The following BMPR1B variants were observed in gnomAD, a reference collection of about 807,000 sequenced individuals.
BMPR1B encodes the protein bone morphogenetic protein receptor type 1B, also known as bone morphogenetic protein receptor type-1B.
BMPR1B carries 12 observed loss-of-function variants against 59.1 expected under a neutral mutation model. The observed-to-expected ratio is 0.20, with a 90% CI of 0.13 to 0.33. BMPR1B has a LOEUF of 0.33. BMPR1B is among the 10% of genes least tolerant of loss of function. The pLI, the probability that BMPR1B is intolerant of heterozygous loss-of-function variation, is 1.00. For missense variants in BMPR1B, 550 were observed against 610.9 expected, an observed-to-expected ratio of 0.90 and a Z score of 1.05; for synonymous variants, 237 against 207.3, an observed-to-expected ratio of 1.14 and a Z score of -1.23.
chr4:94,860,993 T>A (rs1401138754), intron 1 of BMPR1B, among the ~76,000 whole-genome samples: 1 of 150,798 alleles, frequency 6.6e-6, no homozygotes. Flanking sequence ...AGTTGGCTTT[T>A]ATATGTCTTT....
intron 2 of BMPR1B, among the ~76,000 whole-genome samples, chr4:94,876,983 AT>A (rs764512024): frequency 3.5e-4 from 54 of 152,220 alleles, no homozygotes; most frequent in Non-Finnish European, 7.3e-4. Flanking sequence ...CATAATTTTA[AT>A]TAAGAAAGCA....
At chr4:94,845,139 T>C (rs1221577386) in intron 1 of BMPR1B, among the ~76,000 whole-genome samples, 1 of 152,046 alleles carries the variant, frequency 6.6e-6, no homozygotes, top group Non-Finnish European at 1.5e-5. Flanking sequence ...AAATATATCA[T>C]AGATGAAATA....
At chr4:94,762,487 G>A (rs1378547393) in intron 1 of BMPR1B, among the ~76,000 whole-genome samples, 5 of 152,128 alleles carry the variant, frequency 3.3e-5, no homozygotes, top group South Asian at 4.1e-4. Context: ...ATCAGAGGAC[G>A]CACTAGGGTT....
At chr4:94,927,668 T>C (rs1728942837) in intron 2 of BMPR1B, among the ~76,000 whole-genome samples, 1 of 152,080 alleles carries the variant, frequency 6.6e-6, no homozygotes, top group Non-Finnish European at 1.5e-5. Context: ...GAAACTGCCA[T>C]GTTATGGATC....
At chr4:95,023,376 T>C (rs1481244800) in intron 3 of BMPR1B, among the ~76,000 whole-genome samples, 2 of 152,170 alleles carry the variant, frequency 1.3e-5, no homozygotes. Flanking sequence ...CTCATTTCTT[T>C]TATTTTTATT....
intron 2 of BMPR1B, among the ~76,000 whole-genome samples, chr4:94,936,223 A>G (rs1216561120): frequency 6.6e-6 from 1 of 152,170 alleles, no homozygotes; most frequent in Non-Finnish European, 1.5e-5. Flanking sequence ...ATTAATGTTA[A>G]AGGAAAAATC....
At chr4:94,911,008 A>G (rs1390752588) in intron 2 of BMPR1B, among the ~76,000 whole-genome samples, 1 of 152,164 alleles carries the variant, frequency 6.6e-6, no homozygotes. Context: ...TACGTGAACC[A>G]CATATACTGT....
In BMPR1B at chr4:94,804,130, G is replaced by A. The variant is rs369711521; in HGVS notation, c.-183+46062G>A. ...CCTGACCTTGTGATCCGCCTGCCTC[G>A]GCCTCCCAAAGTGCTGGGATTACAG... is the stretch of plus-strand genomic sequence containing the variant. On this transcript the variant is annotated intron_variant, in intron 1 of 12. Coordinates refer to ENST00000515059, the MANE Select transcript of BMPR1B (RefSeq NM_001203.3). Among the ~76,000 whole-genome samples the A allele has an allele frequency of 2.8e-4, 42 of 152,130 alleles. No individual in the cohort carries two copies. The East Asian group carries it at 5.2e-3, about 19-fold the overall frequency.
chr4:95,030,293 A>G (rs931875306), intron 3 of BMPR1B, among the ~76,000 whole-genome samples: 5 of 152,254 alleles, frequency 3.3e-5, no homozygotes, highest in South Asian at 2.1e-4. Context: ...TAATTTTTGT[A>G]TAAGGTGTAA....
intron 5 of BMPR1B, among the ~76,000 whole-genome samples, chr4:95,115,198 A>G (rs954374869): frequency 6.6e-6 from 1 of 152,090 alleles, no homozygotes; most frequent in Non-Finnish European, 1.5e-5. Context: ...GTACTCTGTG[A>G]TCTTCTCACA....
chr4:95,056,431 A>G (rs1726934560), intron 3 of BMPR1B, among the ~76,000 whole-genome samples: 1 of 152,126 alleles, frequency 6.6e-6, no homozygotes, highest in South Asian at 2.1e-4. Context: ...AAATCATAGT[A>G]TTGATATTTT....
At chr4:94,916,644 A>G (rs1728494432) in intron 2 of BMPR1B, among the ~76,000 whole-genome samples, 1 of 152,250 alleles carries the variant, frequency 6.6e-6, no homozygotes, top group African/African-American at 2.4e-5. Context: ...TTATATTTCA[A>G]CAGGAAGCAG....
chr4:94,854,381 C>T (rs1039330071), intron 1 of BMPR1B, among the ~76,000 whole-genome samples: 4 of 152,038 alleles, frequency 2.6e-5, no homozygotes, highest in African/African-American at 7.2e-5. Flanking sequence ...TGTAGCACCA[C>T]TATGAACAGC....
chr4:94,768,142 T>C (rs2110565749), intron 1 of BMPR1B, among the ~76,000 whole-genome samples: 1 of 152,256 alleles, frequency 6.6e-6, no homozygotes, highest in South Asian at 2.1e-4. Context: ...ATTTTGTGTA[T>C]ATTCTAATTG....
rs2865407 is a variant in BMPR1B at position 94,928,030 on chromosome 4, A to G, written c.-113+52130A>G. ...ACAGAAACTGGGCAGTCAGAAGAGG[A>G]GCTGTTTGTGGAGAGTAAATGTAGG... On this transcript the variant is annotated intron_variant, in intron 2 of 12. Transcript: ENST00000515059. Among the ~76,000 whole-genome samples, 1,162 of 152,090 alleles carry G rather than the reference A, an allele frequency of 7.6e-3. 13 individuals carry two copies. The highest frequency in any genetic ancestry group is 0.026 in the African/African-American group (1,094 of 41,494).
At chr4:95,078,159 A>G (rs552588482) in intron 3 of BMPR1B, among the ~76,000 whole-genome samples, 6 of 152,344 alleles carry the variant, frequency 3.9e-5, no homozygotes, top group Non-Finnish European at 5.9e-5. Flanking sequence ...GCAACAAAGT[A>G]GAAAGTAACT....
intron 3 of BMPR1B, among the ~76,000 whole-genome samples, chr4:95,093,421 AG>A (rs1201000130): frequency 0.095 from 117 of 1,234 alleles, no homozygotes; most frequent in African/African-American, 0.18. Flanking sequence ...ATTCCTGCTG[AG>A]GTTTATAATT....
chr4:95,038,390 G>GT lies in BMPR1B; in HGVS notation c.-18+42259dup, dbSNP rs141829270. Among the ~76,000 whole-genome samples, 841 of 152,254 alleles carry GT rather than the reference G, an allele frequency of 5.5e-3. 5 individuals are homozygous for GT. The highest frequency in any genetic ancestry group is 0.019 in the African/African-American group (802 of 41,554). ...TTATATTTTCTGTAGCCCAGCCTGA[G>GT]TTTCGTCTAAAGCTTCTCACACAAT... is the stretch of plus-strand genomic sequence containing the variant. On this transcript the variant is annotated intron_variant, in intron 3 of 12. Transcript: ENST00000515059.
chr4:94,878,560 A>AT (rs966785552), intron 2 of BMPR1B, among the ~76,000 whole-genome samples: 8 of 151,938 alleles, frequency 5.3e-5, no homozygotes, highest in Non-Finnish European at 1.0e-4. Flanking sequence ...GCGTCTCCTA[A>AT]TTTTTTTTCT....
Sources: gnomAD v4.1 joint callset for allele counts (sites outside exome capture counted in the v4.1 genomes callset) on GRCh38, gnomAD v4.1.1 for gene constraint, MANE v1.5 for transcripts, NCBI Gene and HGNC (gene_info 2026-07-23, HGNC 2026-07-21) for gene names.